The following MEOX2 variants were observed in gnomAD, a reference collection of about 807,000 sequenced individuals.
The protein encoded by MEOX2 is mesenchyme homeobox 2, also known as homeobox protein MOX-2.
A neutral mutation model predicts 27.0 loss-of-function variants in MEOX2; 11 were observed. The observed-to-expected ratio is 0.41, with a 90% CI of 0.26 to 0.68. The LOEUF is 0.68. Among genes scored for constraint, MEOX2 ranks in the 30% least tolerant of loss-of-function variants. The pLI is 0.33. For synonymous variants in MEOX2, 189 were observed against 155.4 expected (o/e 1.22, Z -1.61); for missense variants, 436 against 385.4 (o/e 1.13, Z -1.10).
chr7:15,677,706 G>A (rs1782222186), intron 1 of MEOX2: 1 of 152,096 alleles, frequency 6.6e-6, no homozygotes, highest in Non-Finnish European at 1.5e-5. Flanking sequence ...TCCAACTGTG[G>A]ACAGACCCTG....
At position 15,686,346 on chromosome 7, in the gene MEOX2, C is replaced by T. The variant is rs758666093; in HGVS notation, c.57G>A (p.Leu19=). 2 of 1,597,938 alleles carry T rather than the reference C, an allele frequency of 1.3e-6. No homozygotes were observed. Among genetic ancestry groups the T allele is most frequent in the Non-Finnish European group, 1.7e-6 (2 of 1,171,678 alleles). Reference sequence around the variant, plus strand: ...CGAGAGAGGATTGGGAGAACGGGTGCAAGCCTTGCGCCGTGGCGTGAGGGC... The same window carrying T: ...CGAGAGAGGATTGGGAGAACGGGTGTAAGCCTTGCGCCGTGGCGTGAGGGC... ...LRSPHATAQG[L]HPFSQSSLAL... is the part of the protein sequence containing the mutation. Residue 19 remains leucine, a synonymous_variant, in exon 1 of 3, where the codon TTG becomes TTA. Coordinates refer to ENST00000262041, the MANE Select transcript of MEOX2 (RefSeq NM_005924.5).
intron 1 of MEOX2, among the ~76,000 whole-genome samples, chr7:15,678,091 G>C (rs902656243): frequency 6.6e-6 from 1 of 152,120 alleles, no homozygotes; most frequent in African/African-American, 2.4e-5. Context: ...CCTAAACTCT[G>C]ACTTTCCTGT....
At chr7:15,679,209 A>G (rs1328529812) in intron 1 of MEOX2, 1 of 152,072 alleles carries the variant, frequency 6.6e-6, no homozygotes, top group Non-Finnish European at 1.5e-5. Flanking sequence ...GTGAGTGTGC[A>G]TATACCTATA....
At chr7:15,670,724 T>G (rs1782081593) in intron 1 of MEOX2, among the ~76,000 whole-genome samples, 1 of 152,216 alleles carries the variant, frequency 6.6e-6, no homozygotes, top group Non-Finnish European at 1.5e-5. Context: ...TAATTGATGC[T>G]GAGCATATAT....
At chr7:15,664,911 T>A (rs1430819798) in intron 1 of MEOX2, among the ~76,000 whole-genome samples, 3 of 152,188 alleles carry the variant, frequency 2.0e-5, no homozygotes, top group Admixed American at 2.0e-4. Flanking sequence ...TACTTTATCT[T>A]GGAGGATGAA....
chr7:15,683,541 T>C (rs1782325897), intron 1 of MEOX2, among the ~76,000 whole-genome samples: 1 of 152,152 alleles, frequency 6.6e-6, no homozygotes, highest in Non-Finnish European at 1.5e-5. Flanking sequence ...TTTTAGTTTG[T>C]GCTAGATCAA....
chr7:15,656,614 C>T (rs554159506), intron 1 of MEOX2, among the ~76,000 whole-genome samples: 1 of 151,712 alleles, frequency 6.6e-6, no homozygotes, highest in South Asian at 2.1e-4. Context: ...TCCCTTTATT[C>T]CTCTTTAACC....
chr7:15,618,822 C>G (rs1164650590), intron 2 of MEOX2, among the ~76,000 whole-genome samples: 1 of 151,658 alleles, frequency 6.6e-6, no homozygotes, highest in Admixed American at 6.6e-5. Context: ...ATTATATAAA[C>G]TTATAAAATT....
intron 1 of MEOX2, among the ~76,000 whole-genome samples, chr7:15,658,688 C>T (rs1005719686): frequency 6.6e-6 from 1 of 151,962 alleles, no homozygotes; most frequent in African/African-American, 2.4e-5. Context: ...AAGACTGGAG[C>T]CCTGAGGAAC....
intron 1 of MEOX2, among the ~76,000 whole-genome samples, chr7:15,673,981 A>G (rs1000735742): frequency 2.0e-5 from 3 of 152,150 alleles, no homozygotes; most frequent in African/African-American, 7.2e-5. Context: ...ACATACGCAT[A>G]TATGTGTATG....
chr7:15,621,565 T>G (rs995452569), intron 2 of MEOX2, among the ~76,000 whole-genome samples: 1 of 152,216 alleles, frequency 6.6e-6, no homozygotes, highest in Admixed American at 6.5e-5. Flanking sequence ...TTTAAGGATT[T>G]AATATACCTT....
intron 2 of MEOX2, among the ~76,000 whole-genome samples, chr7:15,623,223 C>G (rs1189050551): frequency 6.6e-6 from 1 of 152,146 alleles, no homozygotes; most frequent in Non-Finnish European, 1.5e-5. Context: ...GGATGAGAGC[C>G]CTGGCATTTT....
chr7:15,652,103 C>T (rs1306675704), intron 1 of MEOX2, among the ~76,000 whole-genome samples: 1 of 152,016 alleles, frequency 6.6e-6, no homozygotes. Flanking sequence ...ATTTAAGACT[C>T]AATTGCTTTG....
intron 1 of MEOX2, among the ~76,000 whole-genome samples, chr7:15,664,272 C>T (rs1030999317): frequency 3.3e-5 from 5 of 152,108 alleles, no homozygotes; most frequent in Non-Finnish European, 7.4e-5. Context: ...TCTGTTTCTT[C>T]CCTTTGTGTT....
chr7:15,685,221 A>C (rs1782358417), intron 1 of MEOX2, among the ~76,000 whole-genome samples: 1 of 152,352 alleles, frequency 6.6e-6, no homozygotes, highest in African/African-American at 2.4e-5. Context: ...CAGTGTGAGC[A>C]TCTATTTATT....
chr7:15,655,703 T>C, intron 1 of MEOX2, among the ~76,000 whole-genome samples: 1 of 151,956 alleles, frequency 6.6e-6, no homozygotes, highest in East Asian at 1.9e-4. Flanking sequence ...AATTTCAATT[T>C]GGTTAGAAAA....
intron 1 of MEOX2, chr7:15,681,508 G>A (rs1782291474): frequency 6.6e-6 from 1 of 151,534 alleles, no homozygotes; most frequent in African/African-American, 2.4e-5. Context: ...CATTACATAT[G>A]GAATTCACCT....
At chr7:15,664,777 C>T (rs945859897) in intron 1 of MEOX2, among the ~76,000 whole-genome samples, 7 of 152,070 alleles carry the variant, frequency 4.6e-5, no homozygotes, top group African/African-American at 1.4e-4. Context: ...AGTCTCTGCT[C>T]TTTTGCTAAA....
chr7:15,685,869 G>A lies in MEOX2; in HGVS notation c.517+17C>T, dbSNP rs775268162. 3.1e-5 allele frequency: 49 copies of A among 1,568,900 alleles called. No individual in the cohort carries two copies. The South Asian group carries it at 4.2e-4, about 13-fold the overall frequency. On this transcript the variant is annotated intron_variant, in intron 1 of 2. Coordinates refer to ENST00000262041, the MANE Select transcript of MEOX2 (RefSeq NM_005924.5). ...CAGCCCGGCGCGCACTCTCGAGGGT[G>A]CCTGGCGCGCCCTTACCTGAGCTGT...
Sources: allele counts gnomAD v4.1 joint callset (sites outside exome capture counted in the v4.1 genomes callset), GRCh38; gene constraint gnomAD v4.1.1; transcripts MANE v1.5; gene names NCBI Gene and HGNC (gene_info 2026-07-23, HGNC 2026-07-21).